Variants in ETV1 observed in about 807,000 individuals in gnomAD.
ETV1 encodes the protein ETS translocation variant 1.
ETV1 carries 27 observed loss-of-function variants against 62.3 expected under a neutral mutation model. The observed-to-expected ratio is 0.43, with a 90% CI of 0.32 to 0.60. ETV1 has a LOEUF of 0.60. Ranked by LOEUF, ETV1 falls within the 20% of genes least tolerant of loss-of-function variation. ETV1 has a pLI of 0.06. For synonymous variants in ETV1, 222 were observed against 199.6 expected, an observed-to-expected ratio of 1.11 and a Z score of -0.94; for missense variants, 605 against 605.8, an observed-to-expected ratio of 1.00 and a Z score of 0.01.
chr7:13,966,355 G>A (rs186298387), intron 6 of ETV1, among the ~76,000 whole-genome samples: 74 of 152,220 alleles, frequency 4.9e-4, no homozygotes, highest in Middle Eastern at 3.4e-3. Flanking sequence ...AATTAAGTCC[G>A]GGTGTGGTGG....
chr7:13,961,147 AAAAAAAAAG>A (rs921963651), intron 6 of ETV1, among the ~76,000 whole-genome samples: 17 of 108,536 alleles, frequency 1.6e-4, no homozygotes, highest in Admixed American at 7.0e-4. Flanking sequence ...CCTCATCTCA[AAAAAAAAAG>A]AAAAAAAAGA....
intron 5 of ETV1, among the ~76,000 whole-genome samples, chr7:13,981,508 CAT>C (rs1781983729): frequency 8.5e-6 from 1 of 117,158 alleles, no homozygotes; most frequent in African/African-American, 3.2e-5. Context: ...AAGTTACATA[CAT>C]ACATACATAC....
intron 9 of ETV1, among the ~76,000 whole-genome samples, chr7:13,915,894 A>C (rs919306259): frequency 2.6e-5 from 4 of 152,168 alleles, no homozygotes; most frequent in African/African-American, 7.2e-5. Flanking sequence ...TATAAGACCT[A>C]TTTGCTGTTC....
intron 6 of ETV1, among the ~76,000 whole-genome samples, chr7:13,946,947 C>T (rs999254820): frequency 1.1e-4 from 17 of 152,100 alleles, no homozygotes; most frequent in Admixed American, 2.6e-4. Context: ...TGCCACCATG[C>T]TCAGCTAATT....
chr7:13,915,783 T>A (rs1784090157), intron 9 of ETV1, among the ~76,000 whole-genome samples: 1 of 152,160 alleles, frequency 6.6e-6, no homozygotes, highest in African/African-American at 2.4e-5. Context: ...TTTTACCATA[T>A]GACCACTCTA....
At chr7:13,924,050 A>AAAAAT (rs1323347614) in intron 9 of ETV1, among the ~76,000 whole-genome samples, 1 of 152,234 alleles carries the variant, frequency 6.6e-6, no homozygotes, top group East Asian at 1.9e-4. Flanking sequence ...AAAAAATTAA[A>AAAAAT]AAAATAAAAT....
chr7:13,926,811 T>A (rs1421686203), intron 9 of ETV1, among the ~76,000 whole-genome samples: 1 of 152,154 alleles, frequency 6.6e-6, no homozygotes, highest in Non-Finnish European at 1.5e-5. Flanking sequence ...GCCCTAAATA[T>A]CTATTTCTTG....
At position 13,894,954 on chromosome 7, in the gene ETV1, A is replaced by G. The variant is rs1347936715; in HGVS notation, c.*912T>C. The G allele has an allele frequency of 2.1e-5, 5 of 232,864 alleles. No homozygotes were observed. The highest frequency in any genetic ancestry group is 4.2e-5 in the Non-Finnish European group (5 of 117,702). The allele number at this position is 232,864 out of a possible 1,614,324, so 14.4% of individuals were successfully genotyped here. Reference sequence around the variant, plus strand: ...GATTTAGTACAGTTAATTCTTATTGATTAAATAATGTATTTATGTACTGAA... The same window carrying G: ...GATTTAGTACAGTTAATTCTTATTGGTTAAATAATGTATTTATGTACTGAA... On this transcript the variant is annotated 3_prime_UTR_variant, in exon 14 of 14. Coordinates refer to ENST00000430479, the MANE Select transcript of ETV1 (RefSeq NM_004956.5).
At chr7:13,990,128 C>T (rs1232363658), upstream of ETV1, among the ~76,000 whole-genome samples, 1 of 152,154 alleles carries the variant, frequency 6.6e-6, no homozygotes. Context: ...TACTCTTGCC[C>T]TGACTAGGAG....
intron 6 of ETV1, among the ~76,000 whole-genome samples, chr7:13,956,194 A>C (rs1460104656): frequency 6.6e-6 from 1 of 152,228 alleles, no homozygotes; most frequent in Non-Finnish European, 1.5e-5. Context: ...ATACACTTGT[A>C]ACCTAAGAAA....
rs548731577 is a variant in ETV1 at position 13,893,421 on chromosome 7, G to T, written c.*2445C>A. 1 of 230,332 alleles carries T rather than the reference G, an allele frequency of 4.3e-6. No individual in the cohort carries two copies. Among genetic ancestry groups the T allele is most frequent in the South Asian group, 1.8e-4 (1 of 5,514 alleles). 14.3% of individuals were successfully genotyped at this position (230,332 alleles called of 1,614,324 possible). ...TAATATTTTCAACCCTTCTGTATTG[G>T]AAATACACTTAATGTTGGTCAATTA... is the stretch of plus-strand genomic sequence containing the variant. On this transcript the variant is annotated 3_prime_UTR_variant, in exon 14 of 14. Coordinates refer to ENST00000430479, the MANE Select transcript of ETV1 (RefSeq NM_004956.5).
intron 3 of ETV1, 64 bp downstream of exon 3, chr7:13,988,944 C>G: frequency 4.5e-6 from 5 of 1,110,566 alleles, no homozygotes; most frequent in Non-Finnish European, 3.9e-6. Context: ...TTCTCATTTT[C>G]TCCCTCTCCC....
rs1477205643 is a variant in ETV1, at chr7:13,900,509, A to T, written c.1212+229T>A. The T allele has an allele frequency of 3.4e-5, 14 of 406,384 alleles. No individual in the cohort carries two copies. The East Asian group carries it at 4.8e-4, about 14-fold the overall frequency. The allele number at this position is 406,384 out of a possible 1,614,324, so 25.2% of individuals were successfully genotyped here. The stretch of plus-strand genomic sequence containing the variant: ...TTTTAACCATGTGCAGCAAAGTAGG[A>T]CCTTCCAGAAAGCCTATTATTCTGT... On this transcript the variant is annotated intron_variant, in intron 13 of 13. Coordinates refer to ENST00000430479, the MANE Select transcript of ETV1 (RefSeq NM_004956.5).
At chr7:13,949,487 G>C (rs987858239) in intron 6 of ETV1, among the ~76,000 whole-genome samples, 1 of 152,100 alleles carries the variant, frequency 6.6e-6, no homozygotes, top group Non-Finnish European at 1.5e-5. Context: ...GAAGCAGAAG[G>C]CATTTTCAGC....
intron 10 of ETV1, among the ~76,000 whole-genome samples, chr7:13,910,083 G>C (rs1655277693): frequency 6.6e-6 from 1 of 151,958 alleles, no homozygotes; most frequent in South Asian, 2.1e-4. Context: ...GAGAAAGCAA[G>C]GTGAATTACT....
chr7:13,928,433 G>A (rs948793674), intron 9 of ETV1, among the ~76,000 whole-genome samples: 2 of 151,800 alleles, frequency 1.3e-5, no homozygotes, highest in Non-Finnish European at 2.9e-5. Context: ...TGACCAACAT[G>A]GAGAAATCCT....
intron 9 of ETV1, among the ~76,000 whole-genome samples, chr7:13,917,962 T>A (rs901049263): frequency 3.3e-5 from 5 of 151,708 alleles, no homozygotes; most frequent in African/African-American, 1.2e-4. Flanking sequence ...AGACTCTGTC[T>A]CAGAAAAAAA....
In ETV1 at chr7:13,931,699, G is replaced by A. The variant is rs752431857; in HGVS notation, c.605C>T (p.Thr202Met). ...CATAGGACGTCCTTCCCTTGGCATC[G>A]TCGGCAAAGGAGGAAAGGAGTTACA... is the stretch of plus-strand genomic sequence containing the variant. ...EPCNSFPPLP[T>M]MPREGRPMYQ... Residue 202 changes from threonine to methionine, a missense_variant, in exon 9 of 14, where the codon ACG (threonine) becomes ATG (methionine). Around this residue, in one of 3 missense-constraint regions of ETV1, gnomAD observed 426 missense variants for 377.8 expected, o/e 1.13. Coordinates refer to ENST00000430479, the MANE Select transcript of ETV1 (RefSeq NM_004956.5). 12 of 1,613,894 alleles carry A rather than the reference G, an allele frequency of 7.4e-6. No individual in the cohort carries two copies. In the African/African-American group the frequency reaches 9.3e-5, roughly 13 times the overall value.
intron 5 of ETV1, among the ~76,000 whole-genome samples, chr7:13,984,556 C>A (rs530468369): frequency 6.6e-6 from 1 of 152,006 alleles, no homozygotes; most frequent in South Asian, 2.1e-4. Flanking sequence ...ACGTTAACAA[C>A]TTTTTACTTA....
Sources: allele counts gnomAD v4.1 joint callset (sites outside exome capture counted in the v4.1 genomes callset), GRCh38; gene constraint gnomAD v4.1.1; regional missense constraint gnomAD v4.1.1; transcripts MANE v1.5; gene names NCBI Gene and HGNC (gene_info 2026-07-23, HGNC 2026-07-21).